SPMIP4: variants seen among roughly 807,000 people sequenced by gnomAD.
The protein encoded by SPMIP4 is sperm microtubule inner protein 4.
the SPMIP4 span, among the ~76,000 whole-genome samples, chr7:25,177,924 C>T: frequency 6.6e-6 from 1 of 152,120 alleles, no homozygotes; most frequent in Non-Finnish European, 1.5e-5. Flanking sequence ...AAGCATAGTA[C>T]CCAAGAGGTA....
At chr7:25,134,350 A>C in the SPMIP4 span, among the ~76,000 whole-genome samples, 1,882 of 143,780 alleles carry the variant, frequency 0.013, 19 homozygotes, top group Non-Finnish European at 0.022. Flanking sequence ...AAAAAAAAAA[A>C]AACCAAAAAA....
At chr7:25,144,555 A>T in the SPMIP4 span, among the ~76,000 whole-genome samples, 1 of 152,264 alleles carries the variant, frequency 6.6e-6, no homozygotes, top group East Asian at 1.9e-4. Flanking sequence ...CATAAGGAAG[A>T]GACCCTAAGA....
chr7:25,127,714 G>A, the SPMIP4 span, among the ~76,000 whole-genome samples: 2 of 152,194 alleles, frequency 1.3e-5, no homozygotes. Flanking sequence ...TGTTTGGTGA[G>A]GTCGTGTTTA....
At chr7:25,165,187 T>C in the SPMIP4 span, among the ~76,000 whole-genome samples, 1 of 152,368 alleles carries the variant, frequency 6.6e-6, no homozygotes, top group South Asian at 2.1e-4. Flanking sequence ...AGGACTACAG[T>C]CGCTTCTCCT....
the SPMIP4 span, among the ~76,000 whole-genome samples, chr7:25,157,403 A>G: frequency 1.9e-3 from 292 of 152,306 alleles, 1 homozygote; most frequent in African/African-American, 6.7e-3. Flanking sequence ...GCAGTGTGGA[A>G]AGGAGGAAAG....
the SPMIP4 span, among the ~76,000 whole-genome samples, chr7:25,128,501 C>T: frequency 6.6e-6 from 1 of 152,244 alleles, no homozygotes; most frequent in Non-Finnish European, 1.5e-5. This position sits in a 1 kb window ranked among gnomAD's most constrained non-coding sequence, Gnocchi z 4.5. Flanking sequence ...ATGGCTAGTA[C>T]TTCCTGGCTA....
chr7:25,162,769 T>C, the SPMIP4 span, among the ~76,000 whole-genome samples: 1 of 152,120 alleles, frequency 6.6e-6, no homozygotes, highest in East Asian at 1.9e-4. Context: ...TTTATTTATT[T>C]ATTTATTTAA....
the SPMIP4 span, among the ~76,000 whole-genome samples, chr7:25,173,167 A>G: frequency 1.3e-5 from 2 of 151,998 alleles, no homozygotes; most frequent in African/African-American, 4.8e-5. The surrounding 1 kb of genome is among the most constrained non-coding windows in gnomAD (Gnocchi z 4.4). Flanking sequence ...TGGACTGTGG[A>G]GCTACTTTTT....
At chr7:25,155,526 T>C in the SPMIP4 span, among the ~76,000 whole-genome samples, 5 of 152,204 alleles carry the variant, frequency 3.3e-5, no homozygotes, top group Non-Finnish European at 7.3e-5. Context: ...GTTTGTAGAA[T>C]GGTATAGTTG....
the SPMIP4 span, among the ~76,000 whole-genome samples, chr7:25,144,910 T>C: frequency 6.6e-6 from 1 of 152,030 alleles, no homozygotes; most frequent in Non-Finnish European, 1.5e-5. Flanking sequence ...TTGATCTCCT[T>C]ATCTTTTTCA....
the SPMIP4 span, among the ~76,000 whole-genome samples, chr7:25,132,645 C>T: frequency 6.6e-6 from 1 of 152,246 alleles, no homozygotes; most frequent in South Asian, 2.1e-4. This position sits in a 1 kb window ranked among gnomAD's most constrained non-coding sequence, Gnocchi z 5.0. Flanking sequence ...GCAAAGAGCT[C>T]TATGCTGATG....
the SPMIP4 span, among the ~76,000 whole-genome samples, chr7:25,162,399 T>C: frequency 6.6e-6 from 1 of 151,692 alleles, no homozygotes; most frequent in Non-Finnish European, 1.5e-5. Flanking sequence ...CAAATATTAA[T>C]AAAGATAACA....
chr7:25,136,814 G>A, the SPMIP4 span: 1 of 1,589,312 alleles, frequency 6.3e-7, no homozygotes, highest in South Asian at 1.1e-5. The surrounding 1 kb of genome is among the most constrained non-coding windows in gnomAD (Gnocchi z 5.7). Context: ...GGGATAAAAA[G>A]GAGAAAAAAA....
chr7:25,134,725 T>C, the SPMIP4 span: 54 of 985,468 alleles, frequency 5.5e-5, no homozygotes, highest in East Asian at 5.3e-3. Context: ...TTCCAAAGTT[T>C]ATTATTTGGA....
the SPMIP4 span, among the ~76,000 whole-genome samples, chr7:25,154,763 G>A: frequency 6.6e-6 from 1 of 152,122 alleles, no homozygotes; most frequent in East Asian, 1.9e-4. Context: ...ACAACGTTTT[G>A]GTTTCTGATT....
At chr7:25,145,129 A>C in the SPMIP4 span, among the ~76,000 whole-genome samples, 1 of 152,054 alleles carries the variant, frequency 6.6e-6, no homozygotes, top group East Asian at 1.9e-4. Flanking sequence ...CGCCCGGCTA[A>C]TTTTTGTACT....
At chr7:25,162,299 AT>A in the SPMIP4 span, among the ~76,000 whole-genome samples, 1 of 151,160 alleles carries the variant, frequency 6.6e-6, no homozygotes, top group African/African-American at 2.4e-5. Flanking sequence ...AATTAAAAAA[AT>A]AAAAAATAAA....
the SPMIP4 span, chr7:25,158,575 T>G: frequency 6.6e-7 from 1 of 1,507,138 alleles, no homozygotes; most frequent in East Asian, 2.3e-5. Context: ...ATTGAGGGCT[T>G]TTAAAGGTTT....
the SPMIP4 span, among the ~76,000 whole-genome samples, chr7:25,148,349 G>C: frequency 7.2e-5 from 11 of 152,282 alleles, no homozygotes; most frequent in Admixed American, 7.2e-4. Flanking sequence ...TGAAGCAGGA[G>C]GATGCAGAAG....
Sources: allele counts gnomAD v4.1 joint callset (sites outside exome capture counted in the v4.1 genomes callset), GRCh38; gene constraint gnomAD v4.1.1; non-coding constraint Gnocchi (gnomAD v3.1); transcripts MANE v1.5; gene names NCBI Gene and HGNC (gene_info 2026-07-23, HGNC 2026-07-21).